SMG7: variants seen among roughly 807,000 people sequenced by gnomAD.
SMG7 encodes nonsense-mediated mRNA decay factor SMG7.
In SMG7, 34 loss-of-function variants were observed where a neutral mutation model predicts 148.2. The observed-to-expected ratio is 0.23, with a 90% CI of 0.17 to 0.31. The LOEUF is 0.31. SMG7 is among the 10% of genes least tolerant of loss of function. The pLI, the probability that SMG7 is intolerant of heterozygous loss-of-function variation, is 1.00. For missense variants in SMG7, 1,114 were observed against 1,408.4 expected (o/e 0.79, Z 3.35); for synonymous variants, 492 against 515.1 (o/e 0.96, Z 0.61).
Position 183,552,587 on chromosome 1 carries a change from C to T in SMG7, c.*656C>T, listed in dbSNP as rs1671237537. On this transcript the variant is annotated 3_prime_UTR_variant, in exon 23 of 23. Transcript: ENST00000688051. ...AGAGTTCAAGGCCTGTCAGAAGGCT[C>T]TGGTAGGCCTTCCTCTGGCCAGGAG... 9.8e-7 allele frequency: 1 copy of T among 1,020,118 alleles called. No homozygotes were observed. Among genetic ancestry groups the T allele is most frequent in the Admixed American group, 5.2e-5 (1 of 19,378 alleles). 63.2% of individuals were successfully genotyped at this position (1,020,118 alleles called of 1,614,324 possible). A position where few individuals can be genotyped will look rare whatever the true frequency, so the allele number is the denominator to read the frequency against.
At chr1:183,488,718 C>G (rs1656152072) in intron 1 of SMG7, among the ~76,000 whole-genome samples, 1 of 117,642 alleles carries the variant, frequency 8.5e-6, no homozygotes, top group East Asian at 2.7e-4. Context: ...GACGGTCTCA[C>G]TCTGTTGCCC....
Position 183,551,114 on chromosome 1 carries a change from G to A in SMG7, c.3374G>A (p.Ser1125Asn), listed in dbSNP as rs750689856. 25 of 1,610,582 alleles carry A rather than the reference G, an allele frequency of 1.6e-5. No individual in the cohort carries two copies. The highest frequency in any genetic ancestry group is 5.1e-5 in the Admixed American group (3 of 58,628). Residue 1125 changes from serine to asparagine, a missense_variant, in exon 22 of 23, where the codon AGC becomes AAC. Around this residue, in one of 4 missense-constraint regions of SMG7, gnomAD observed 788 missense variants for 894.5 expected, o/e 0.88. Coordinates refer to ENST00000688051, the MANE Select transcript of SMG7 (RefSeq NM_001375584.1). ...SSSESSWHQASTPSGTWTGHG... is the reference protein window; with the variant it reads ...SSSESSWHQANTPSGTWTGHG... ...TCTGAGAGCAGTTGGCATCAGGCCA[G>A]CACTCCGAGTGGCACCTGGACAGGC...
intron 4 of SMG7, among the ~76,000 whole-genome samples, chr1:183,524,925 C>T (rs144453877): frequency 4.6e-5 from 7 of 152,266 alleles, no homozygotes; most frequent in Non-Finnish European, 8.8e-5. Flanking sequence ...CTCCCCTCTA[C>T]TTCTCTTTTT....
intron 8 of SMG7, among the ~76,000 whole-genome samples, chr1:183,530,923 A>G (rs944817425): frequency 6.6e-6 from 1 of 152,120 alleles, no homozygotes; most frequent in Non-Finnish European, 1.5e-5. Flanking sequence ...CTAAAAACCT[A>G]GTAAGTTTTG....
intron 1 of SMG7, among the ~76,000 whole-genome samples, chr1:183,504,605 C>T (rs1342115692): frequency 6.6e-6 from 1 of 152,180 alleles, no homozygotes; most frequent in African/African-American, 2.4e-5. Flanking sequence ...TCCCAAAGTA[C>T]TGGGATTACA....
chr1:183,496,496 A>G (rs867175374), intron 1 of SMG7, among the ~76,000 whole-genome samples: 4 of 152,158 alleles, frequency 2.6e-5, no homozygotes, highest in African/African-American at 9.7e-5. Flanking sequence ...CTCAGTTCCT[A>G]TCCTCTTATA....
In SMG7 at chr1:183,527,139, CTTCT is replaced by C. The variant is rs1389543858; in HGVS notation, c.484+382_484+385del. On this transcript the variant is annotated intron_variant, in intron 5 of 22. Transcript: ENST00000688051. This position sits in a 1 kb window ranked among gnomAD's most constrained non-coding sequence, Gnocchi z 4.0. ...TAAATTACTCCTGAAGCGAAATTGC[CTTCT>C]TTCTTTCTTACCAATGGACTAAAAG... is the stretch of plus-strand genomic sequence containing the variant. 6.6e-6 allele frequency among the ~76,000 whole-genome samples: 1 copy of C among 152,096 alleles called. No individual in the cohort carries two copies. The highest frequency in any genetic ancestry group is 1.5e-5 in the Non-Finnish European group (1 of 68,008).
In SMG7 at chr1:183,547,259, A is replaced by G. The variant is rs1451185694; in HGVS notation, c.2892+7A>G. On this transcript the variant is annotated splice_region_variant and intron_variant, in intron 18 of 22. Coordinates refer to ENST00000688051, the MANE Select transcript of SMG7 (RefSeq NM_001375584.1). ...TCCTGGACGAAGCCTTTTTGTATGT[A>G]TTTGACATAATTCTGCTTCTTGGTC... 1 of 1,548,304 alleles carries G rather than the reference A, an allele frequency of 6.5e-7. No individual in the cohort carries two copies. Among genetic ancestry groups the G allele is most frequent in the Non-Finnish European group, 8.7e-7 (1 of 1,145,928 alleles).
At chr1:183,513,191 C>A in intron 2 of SMG7, 1 of 229,668 alleles carries the variant, frequency 4.4e-6, no homozygotes, top group East Asian at 9.3e-5. Context: ...CCATATAAAC[C>A]AAAATATCTT....
chr1:183,525,763 G>A (rs905482763), intron 4 of SMG7, among the ~76,000 whole-genome samples: 2 of 152,154 alleles, frequency 1.3e-5, no homozygotes, highest in African/African-American at 2.4e-5. Context: ...GAACAGAGAA[G>A]AGAGGAGGTA....
At chr1:183,541,824 A>T (rs1348314687) in intron 13 of SMG7, among the ~76,000 whole-genome samples, 1 of 152,228 alleles carries the variant, frequency 6.6e-6, no homozygotes, top group Non-Finnish European at 1.5e-5. Flanking sequence ...CACTTGAAGC[A>T]TGCTCAGAAA....
chr1:183,511,463 CAG>C (rs1231512215), intron 1 of SMG7, among the ~76,000 whole-genome samples: 1 of 152,092 alleles, frequency 6.6e-6, no homozygotes, highest in Non-Finnish European at 1.5e-5. Context: ...GTGTTGCTAG[CAG>C]AGTCTTTTAT....
Position 183,552,482 on chromosome 1 carries a change from C to T in SMG7, c.*551C>T, listed in dbSNP as rs1450956224. ...AGTCAGTGTGTAGCAAGGAAAGCCC[C>T]GTTCACTGCTCCTGTGAGAGGTTGG... On this transcript the variant is annotated 3_prime_UTR_variant, in exon 23 of 23. Coordinates refer to ENST00000688051, the MANE Select transcript of SMG7 (RefSeq NM_001375584.1). 10 of 995,254 alleles carry T rather than the reference C, an allele frequency of 1.0e-5. No homozygotes were observed. Among genetic ancestry groups the T allele is most frequent in the East Asian group, 1.1e-4 (1 of 9,274 alleles). The allele number at this position is 995,254 out of a possible 1,614,324, so 61.7% of individuals were successfully genotyped here. A position where few individuals can be genotyped will look rare whatever the true frequency, so the allele number is the denominator to read the frequency against.
chr1:183,472,827 C>G, intron 1 of SMG7, 178 bp downstream of exon 1: 1 of 470,624 alleles, frequency 2.1e-6, no homozygotes, highest in South Asian at 7.8e-5. Flanking sequence ...GTATGGGTGC[C>G]TAGCCCCTAC....
At chr1:183,519,647 C>G (rs1344769928) in intron 4 of SMG7, among the ~76,000 whole-genome samples, 1 of 152,018 alleles carries the variant, frequency 6.6e-6, no homozygotes, top group Admixed American at 6.6e-5. Context: ...TACAAAGTCC[C>G]AAAAAGTTCA....
chr1:183,552,947 C>T lies in SMG7; in HGVS notation c.*1016C>T. The T allele has an allele frequency of 2.6e-6, 4 of 1,532,412 alleles. No individual in the cohort carries two copies. Among genetic ancestry groups the T allele is most frequent in the Non-Finnish European group, 1.7e-6 (2 of 1,144,184 alleles). The allele number at this position is 1,532,412 out of a possible 1,614,324, so 94.9% of individuals were successfully genotyped here. ...TGTATGCTAGTAATTGTTTTTATTC[C>T]TAATGTGTGCAACATCACATCTCCC... On this transcript the variant is annotated 3_prime_UTR_variant, in exon 23 of 23. Coordinates refer to ENST00000688051, the MANE Select transcript of SMG7 (RefSeq NM_001375584.1).
chr1:183,474,587 TA>T (rs944114970), intron 1 of SMG7, among the ~76,000 whole-genome samples: 1 of 151,994 alleles, frequency 6.6e-6, no homozygotes, highest in African/African-American at 2.4e-5. Context: ...AATACATAAA[TA>T]AAAATAAAAG....
At chr1:183,492,874 G>A (rs1203541703) in intron 1 of SMG7, among the ~76,000 whole-genome samples, 1 of 151,970 alleles carries the variant, frequency 6.6e-6, no homozygotes, top group Non-Finnish European at 1.5e-5. Flanking sequence ...TATTGCATCC[G>A]ACACGTTATA....
rs1458316517 is a variant in SMG7, at chr1:183,554,076, T to A, written c.*2145T>A. Reference sequence around the variant, plus strand: ...GAAACTGGTTTTGTGTAGTAAACTTTCTTTTGTGGTTTTTTGTTTTGTTTT... The same window carrying A: ...GAAACTGGTTTTGTGTAGTAAACTTACTTTTGTGGTTTTTTGTTTTGTTTT... On this transcript the variant is annotated 3_prime_UTR_variant, in exon 23 of 23. Coordinates refer to ENST00000688051, the MANE Select transcript of SMG7 (RefSeq NM_001375584.1). 1 of 152,634 alleles carries A rather than the reference T, an allele frequency of 6.6e-6. No homozygotes were observed. Among genetic ancestry groups the A allele is most frequent in the Non-Finnish European group, 1.5e-5 (1 of 68,058 alleles). The allele number at this position is 152,634 out of a possible 1,614,324, so 9.5% of individuals were successfully genotyped here. A position where few individuals can be genotyped will look rare whatever the true frequency, so the allele number is the denominator to read the frequency against.
Sources: allele counts gnomAD v4.1 joint callset (sites outside exome capture counted in the v4.1 genomes callset), GRCh38; gene constraint gnomAD v4.1.1; regional missense constraint gnomAD v4.1.1; non-coding constraint Gnocchi (gnomAD v3.1); transcripts MANE v1.5; gene names NCBI Gene and HGNC (gene_info 2026-07-23, HGNC 2026-07-21).